The following TJP2 variants were observed in gnomAD, a reference collection of about 807,000 sequenced individuals.
TJP2 encodes the protein Friedreich ataxia region gene X104 (tight junction protein ZO-2).
A neutral mutation model predicts 133.1 loss-of-function variants in TJP2; 91 were observed. The observed-to-expected ratio is 0.68, with a 90% CI of 0.58 to 0.81. TJP2 has a LOEUF of 0.81. TJP2 is among the 40% of genes least tolerant of loss of function. The pLI is 0.00. For synonymous variants in TJP2, 592 were observed against 583.4 expected (o/e 1.01, Z -0.21); for missense variants, 1,541 against 1,565.6 (o/e 0.98, Z 0.26).
At position 69,189,855 on chromosome 9, in the gene TJP2, C is replaced by G. The variant is rs1319324655; in HGVS notation, c.60+15423C>G. ...AGGCACGGTGGCTCATGCCTGTAAT[C>G]CCAGCACTTTGGGAGGCCGAGGTGG... is the stretch of plus-strand genomic sequence containing the variant. On this transcript the variant is annotated intron_variant, in intron 1 of 22. Coordinates refer to ENST00000377245, the MANE Select transcript of TJP2 (RefSeq NM_004817.4). Among the ~76,000 whole-genome samples the G allele has an allele frequency of 1.8e-5, 2 of 110,430 alleles. 1 individual carries two copies. The highest frequency in any genetic ancestry group is 6.8e-5 in the African/African-American group (2 of 29,438). 72.4% of individuals were successfully genotyped at this position (110,430 alleles called of 152,430 possible). A position where few individuals can be genotyped will look rare whatever the true frequency, so the allele number is the denominator to read the frequency against.
At chr9:69,252,955 A>T in intron 22 of TJP2, 55 bp downstream of exon 22, 2 of 1,528,408 alleles carry the variant, frequency 1.3e-6, no homozygotes, top group Non-Finnish European at 1.8e-6. Context: ...AAGGACTGGG[A>T]CTTGAAGAAA....
chr9:69,127,874 G>T lies in TJP2; in HGVS notation c.-131+6149G>T, dbSNP rs78517761. On this transcript the variant is annotated intron_variant, in intron 1 of 5. Coordinates refer to the TJP2 transcript ENST00000423935. ...GGATCACCTGAGTCCTGGGCAACAT[G>T]GTGACTAAAGGCTTATGTACATTGT... 2.4e-3 allele frequency among the ~76,000 whole-genome samples: 184 copies of T among 75,202 alleles called. 58 individuals are homozygous for T. The highest frequency in any genetic ancestry group is 7.3e-3 in the African/African-American group (179 of 24,476). The allele number at this position is 75,202 out of a possible 152,430, so 49.3% of individuals were successfully genotyped here.
chr9:69,139,398 C>G (rs1822916965), intron 1 of TJP2, among the ~76,000 whole-genome samples: 1 of 152,066 alleles, frequency 6.6e-6, no homozygotes, highest in Admixed American at 6.6e-5. Flanking sequence ...TTAAGGTGGC[C>G]CCTAATCCAA....
In TJP2 at chr9:69,238,773, G is replaced by A; in HGVS notation, c.2339G>A (p.Arg780Lys). 1.2e-6 allele frequency: 2 copies of A among 1,613,646 alleles called. No homozygotes were observed. Among genetic ancestry groups the A allele is most frequent in the South Asian group, 2.2e-5 (2 of 91,028 alleles). ...GGAGTGGTCCGGTTAAATACCGTGA[G>A]GCAAATTATTGAACAGGTGAGAAAA... ...STGVVRLNTV[R>K]QIIEQDKHAL... is the part of the protein sequence containing the mutation. Residue 780 changes from arginine to lysine, a missense_variant, in exon 16 of 23, where the codon AGG becomes AAG. Coordinates refer to ENST00000377245, the MANE Select transcript of TJP2 (RefSeq NM_004817.4).
Position 69,174,316 on chromosome 9 carries a change from G to T in TJP2, c.-57G>T. 1 of 1,550,596 alleles carries T rather than the reference G, an allele frequency of 6.4e-7. No individual in the cohort carries two copies. Among genetic ancestry groups the T allele is most frequent in the Non-Finnish European group, 8.7e-7 (1 of 1,146,668 alleles). On this transcript the variant is annotated 5_prime_UTR_variant, in exon 1 of 23. Coordinates refer to ENST00000377245, the MANE Select transcript of TJP2 (RefSeq NM_004817.4). ...TGGTGCCCAGGAGGAGTAGGAGCAG[G>T]AGCAGAAGCAGAAGCGGGGTCCGGA...
intron 1 of TJP2, among the ~76,000 whole-genome samples, chr9:69,131,128 A>G (rs1391015614): frequency 2.0e-5 from 3 of 152,194 alleles, no homozygotes; most frequent in East Asian, 1.9e-4. Flanking sequence ...CCTGTCACTG[A>G]TAATTAACGT....
chr9:69,199,236 C>T (rs1334237746), intron 1 of TJP2, among the ~76,000 whole-genome samples: 1 of 152,128 alleles, frequency 6.6e-6, no homozygotes, highest in East Asian at 1.9e-4. Flanking sequence ...ATAGCAGACA[C>T]AACATAATAC....
At chr9:69,215,674 T>G (rs1022771998) in intron 2 of TJP2, among the ~76,000 whole-genome samples, 1 of 149,228 alleles carries the variant, frequency 6.7e-6, no homozygotes, top group Non-Finnish European at 1.5e-5. Context: ...ACATGAGCCA[T>G]GAGCCTAGGC....
chr9:69,121,383 C>A, upstream of TJP2: 1 of 979,766 alleles, frequency 1.0e-6, no homozygotes, highest in Non-Finnish European at 1.2e-6. Context: ...CCGCCGCCCA[C>A]CCCCTTCCCC....
intron 19 of TJP2, 61 bp from the exon 20 acceptor site, chr9:69,249,314 C>A (rs189052640): frequency 1.3e-6 from 2 of 1,555,360 alleles, no homozygotes; most frequent in South Asian, 2.4e-5. Context: ...CCAAAGCAGT[C>A]GAGTGCTCTG....
chr9:69,207,375 G>C (rs1247585323), intron 1 of TJP2, among the ~76,000 whole-genome samples: 2 of 152,106 alleles, frequency 1.3e-5, no homozygotes, highest in Admixed American at 1.3e-4. Flanking sequence ...TTTTGTGGTG[G>C]TCTATGTGAC....
At chr9:69,176,990 A>T (rs1428759463) in intron 1 of TJP2, among the ~76,000 whole-genome samples, 1 of 152,218 alleles carries the variant, frequency 6.6e-6, no homozygotes, top group African/African-American at 2.4e-5. Flanking sequence ...GTGAAGCGGT[A>T]GAAGGGTTCG....
At chr9:69,168,101 A>ACT (rs1824459967) in intron 2 of TJP2, among the ~76,000 whole-genome samples, 1 of 152,208 alleles carries the variant, frequency 6.6e-6, no homozygotes, top group Non-Finnish European at 1.5e-5. Context: ...ATTACTTATG[A>ACT]GTGATCCACT....
At chr9:69,182,568 G>A (rs956125180) in intron 1 of TJP2, among the ~76,000 whole-genome samples, 2 of 152,130 alleles carry the variant, frequency 1.3e-5, no homozygotes, top group Admixed American at 6.6e-5. Context: ...TCTGGAAGAG[G>A]CAGGAAAGGT....
At chr9:69,146,907 A>G (rs1194487266) in intron 1 of TJP2, among the ~76,000 whole-genome samples, 1 of 152,198 alleles carries the variant, frequency 6.6e-6, no homozygotes, top group African/African-American at 2.4e-5. Context: ...TTTTCTTCCC[A>G]TCTGTAAAAG....
chr9:69,232,369 C>A (rs1829852841), intron 11 of TJP2, among the ~76,000 whole-genome samples: 1 of 152,184 alleles, frequency 6.6e-6, no homozygotes, highest in Non-Finnish European at 1.5e-5. Flanking sequence ...GGATCCTCTT[C>A]AGGCTCACAG....
At chr9:69,248,422 A>ACC in intron 19 of TJP2, 198 bp downstream of exon 19, 1 of 1,431,130 alleles carries the variant, frequency 7.0e-7, no homozygotes, top group Non-Finnish European at 9.2e-7. Context: ...GGTGGACTTC[A>ACC]GAAGAGCTTG....
chr9:69,205,793 T>A (rs1827352026), intron 1 of TJP2, among the ~76,000 whole-genome samples: 1 of 152,212 alleles, frequency 6.6e-6, no homozygotes, highest in East Asian at 1.9e-4. Context: ...AGCTTTGACC[T>A]CCATCACTGG....
Position 69,163,638 on chromosome 9 carries a change from CA to C in TJP2, c.-10+11883del, listed in dbSNP as rs34941016. On this transcript the variant is annotated intron_variant, in intron 2 of 5. Coordinates refer to the TJP2 transcript ENST00000423935. Reference sequence around the variant, plus strand: ...GCAAAAGAGTGAGAGACCCTGTCTCCAAAAAAAAAAAAAAAATTGAGATGGG... The same window carrying C: ...GCAAAAGAGTGAGAGACCCTGTCTCCAAAAAAAAAAAAAAATTGAGATGGG... Among the ~76,000 whole-genome samples, 1,168 of 135,522 alleles carry C rather than the reference CA, an allele frequency of 8.6e-3. 3 individuals are homozygous for C. Among genetic ancestry groups the C allele is most frequent in the African/African-American group, 0.015 (546 of 36,798 alleles). The allele number at this position is 135,522 out of a possible 152,430, so 88.9% of individuals were successfully genotyped here. A position where few individuals can be genotyped will look rare whatever the true frequency, so the allele number is the denominator to read the frequency against.
Sources: allele counts gnomAD v4.1 joint callset (sites outside exome capture counted in the v4.1 genomes callset), GRCh38; gene constraint gnomAD v4.1.1; transcripts MANE v1.5; gene names NCBI Gene and HGNC (gene_info 2026-07-23, HGNC 2026-07-21).